The following CREG2 variants were observed in gnomAD, a reference collection of about 807,000 sequenced individuals.
CREG2 encodes protein CREG2.
Under a neutral mutation model 26.2 loss-of-function variants are expected in CREG2, and 24 were observed. The ratio of observed to expected loss-of-function variants is 0.92; its 90% confidence interval spans 0.66 to 1.29. The LOEUF is 1.29. Ranked by LOEUF, CREG2 falls within the 50% of genes most tolerant of loss-of-function variation. The pLI is 0.00. For synonymous variants in CREG2, 174 were observed against 169.2 expected (o/e 1.03, Z -0.22); for missense variants, 366 against 398.6 (o/e 0.92, Z 0.70).
chr2:101,352,368 T>C (rs1684396605), intron 3 of CREG2, among the ~76,000 whole-genome samples: 1 of 152,216 alleles, frequency 6.6e-6, no homozygotes, highest in Admixed American at 6.5e-5. Context: ...AGAAACCTAC[T>C]TTTGTACTGA....
Position 101,348,577 on chromosome 2 carries a change from T to C in CREG2, c.*2346A>G, listed in dbSNP as rs937448034. ...AATGGTATTGTGTTTTTAGTTTTTT[T>C]CCCCACATGTTCATCGTTAGCATAG... On this transcript the variant is annotated 3_prime_UTR_variant, in exon 4 of 4. Transcript: ENST00000324768. 2 of 152,188 alleles carry C rather than the reference T, an allele frequency of 1.3e-5. No homozygotes were observed. Among genetic ancestry groups the C allele is most frequent in the Non-Finnish European group, 2.9e-5 (2 of 68,044 alleles). The allele number at this position is 152,188 out of a possible 1,614,324, so 9.4% of individuals were successfully genotyped here.
At chr2:101,382,518 A>G in intron 2 of CREG2, 1 of 984,946 alleles carries the variant, frequency 1.0e-6, no homozygotes, top group Non-Finnish European at 1.2e-6. Flanking sequence ...AAGAACAGGG[A>G]GAATATTCCA....
Position 101,383,610 on chromosome 2 carries a change from C to A in CREG2, c.534G>T (p.Lys178Asn). ...TCATCAGATCAGCCACCACGGGGTC[C>A]TTGGCTGTCATGTAGAAGAAAGGAA... ...TGIPFFYMTA[K>N]DPVVADLMKN... The change falls in exon 2 of 4, where the codon AAG becomes AAT. Residue 178 changes from lysine (K) to asparagine (N), a missense_variant. Around this residue, in one of 3 missense-constraint regions of CREG2, gnomAD observed 174 missense variants for 178.2 expected, o/e 0.98. Coordinates refer to ENST00000324768, the MANE Select transcript of CREG2 (RefSeq NM_153836.4). The A allele has an allele frequency of 1.2e-6, 2 of 1,614,184 alleles. No individual in the cohort carries two copies. Among genetic ancestry groups the A allele is most frequent in the Non-Finnish European group, 1.7e-6 (2 of 1,180,030 alleles).
chr2:101,351,090 CCA>C lies in CREG2; in HGVS notation c.726-22_726-21del. On this transcript the variant is annotated intron_variant, in intron 3 of 3. Transcript: ENST00000324768. ...GGGTGCCTGCAGGAATAAAGAGAGA[CCA>C]CAGTAAAGCTGCTCTTATCAGAGAG... The C allele has an allele frequency of 6.2e-7, 1 of 1,612,242 alleles. No homozygotes were observed. The highest frequency in any genetic ancestry group is 1.1e-5 in the South Asian group (1 of 90,776).
At chr2:101,356,004 T>A (rs879752886) in intron 2 of CREG2, among the ~76,000 whole-genome samples, 1 of 152,056 alleles carries the variant, frequency 6.6e-6, no homozygotes, top group African/African-American at 2.4e-5. Flanking sequence ...TCATACAGAC[T>A]TAAAGGCTGG....
chr2:101,383,936 T>C (rs543224481), intron 1 of CREG2, among the ~76,000 whole-genome samples: 4 of 152,210 alleles, frequency 2.6e-5, no homozygotes, highest in Admixed American at 1.3e-4. Flanking sequence ...GGCATCCTGT[T>C]TGGAAGGGGT....
intron 2 of CREG2, among the ~76,000 whole-genome samples, chr2:101,379,105 A>G (rs1156373543): frequency 6.6e-6 from 1 of 152,222 alleles, no homozygotes; most frequent in Non-Finnish European, 1.5e-5. Context: ...TCACTTTCCA[A>G]ATTATCTCCT....
At chr2:101,378,421 C>T (rs1219411313) in intron 2 of CREG2, among the ~76,000 whole-genome samples, 2 of 152,234 alleles carry the variant, frequency 1.3e-5, no homozygotes, top group Admixed American at 6.5e-5. Context: ...GAGGGGCAAG[C>T]TGTCCAGGCC....
At chr2:101,354,096 G>A (rs1684419308) in intron 3 of CREG2, among the ~76,000 whole-genome samples, 1 of 152,024 alleles carries the variant, frequency 6.6e-6, no homozygotes, top group African/African-American at 2.4e-5. Context: ...TGCATGTTCT[G>A]CACACGTATC....
intron 2 of CREG2, chr2:101,375,789 G>C (rs1684780848): frequency 6.5e-6 from 1 of 154,680 alleles, no homozygotes; most frequent in South Asian, 2.0e-4. Flanking sequence ...TAGTGAAAGG[G>C]CTGACAGTGT....
chr2:101,365,876 T>C (rs140846792), intron 2 of CREG2, among the ~76,000 whole-genome samples: 4 of 152,282 alleles, frequency 2.6e-5, no homozygotes, highest in East Asian at 3.9e-4. Context: ...ACCTCCTACA[T>C]AGAGTTCAGA....
At chr2:101,372,054 G>C (rs1684716154) in intron 2 of CREG2, among the ~76,000 whole-genome samples, 1 of 152,216 alleles carries the variant, frequency 6.6e-6, no homozygotes, top group Non-Finnish European at 1.5e-5. Context: ...ATGATGGGTA[G>C]ATGGATGGAA....
intron 2 of CREG2, among the ~76,000 whole-genome samples, chr2:101,375,294 C>T (rs1184341376): frequency 1.3e-5 from 2 of 152,166 alleles, no homozygotes; most frequent in African/African-American, 2.4e-5. Context: ...CTGGCACCTC[C>T]CCTCAGAAAC....
chr2:101,377,223 G>A (rs1345750581), intron 2 of CREG2, among the ~76,000 whole-genome samples: 1 of 151,166 alleles, frequency 6.6e-6, no homozygotes, highest in African/African-American at 2.4e-5. Context: ...CACACAAACT[G>A]TTGTATAACA....
intron 2 of CREG2, among the ~76,000 whole-genome samples, chr2:101,362,622 T>A (rs1223592442): frequency 6.6e-6 from 1 of 152,208 alleles, no homozygotes; most frequent in East Asian, 1.9e-4. Context: ...CTCTACCTCC[T>A]GCAACTTGAG....
chr2:101,361,108 CAG>C (rs749129351), intron 2 of CREG2, among the ~76,000 whole-genome samples: 78 of 152,196 alleles, frequency 5.1e-4, no homozygotes, highest in Non-Finnish European at 5.6e-4. Flanking sequence ...AATAATAACA[CAG>C]TACATTTACA....
At chr2:101,383,815 A>G (rs756389827) in intron 1 of CREG2, 113 bp from the exon 2 acceptor site, 15 of 991,772 alleles carry the variant, frequency 1.5e-5, no homozygotes, top group Non-Finnish European at 2.1e-5. Flanking sequence ...AGGGGGGATC[A>G]TGGCATCACA....
intron 2 of CREG2, 123 bp downstream of exon 2, chr2:101,383,410 G>T: frequency 1.2e-6 from 1 of 858,484 alleles, no homozygotes; most frequent in Non-Finnish European, 1.8e-6. Flanking sequence ...TGATTTCAAG[G>T]GTGAACATCA....
At chr2:101,368,224 C>T (rs923314907) in intron 2 of CREG2, among the ~76,000 whole-genome samples, 1 of 150,376 alleles carries the variant, frequency 6.6e-6, no homozygotes, top group Admixed American at 6.7e-5. Flanking sequence ...GGAGGCGGAG[C>T]TTGCAGTGAG....
Sources: gnomAD v4.1 joint callset for allele counts (sites outside exome capture counted in the v4.1 genomes callset) on GRCh38, gnomAD v4.1.1 for gene constraint, gnomAD v4.1.1 regional missense constraint, MANE v1.5 for transcripts, NCBI Gene and HGNC (gene_info 2026-07-23, HGNC 2026-07-21) for gene names.